Variants in SLC41A1 observed in about 807,000 individuals in gnomAD.
SLC41A1 encodes the protein solute carrier family 41 member 1.
A neutral mutation model predicts 47.3 loss-of-function variants in SLC41A1; 20 were observed. That is an observed-to-expected ratio of 0.42 (90% CI 0.30 to 0.61). The LOEUF is 0.61. Ranked by LOEUF, SLC41A1 falls within the 20% of genes least tolerant of loss-of-function variation. The probability of loss-of-function intolerance (pLI) is 0.17; values close to 1 mark genes in which losing one functional copy is unlikely to be tolerated. For synonymous variants in SLC41A1, 282 were observed against 272.7 expected, an observed-to-expected ratio of 1.03 and a Z score of -0.34; for missense variants, 504 against 674.1, an observed-to-expected ratio of 0.75 and a Z score of 2.79.
In SLC41A1 at chr1:205,797,973, C is replaced by T. The variant is rs764642616; in HGVS notation, c.923G>A (p.Arg308Gln). 1.5e-5 allele frequency: 25 copies of T among 1,613,996 alleles called. No individual in the cohort carries two copies. The highest frequency in any genetic ancestry group is 1.6e-4 in the Middle Eastern group (1 of 6,084). The change falls in exon 7 of 11, where the codon CGA (arginine) becomes CAA (glutamine). Residue 308 changes from arginine (R) to glutamine (Q), a missense_variant. Physicochemically the swap from Arg to Gln is conservative, Grantham distance 43. Coordinates refer to ENST00000367137, the MANE Select transcript of SLC41A1 (RefSeq NM_173854.6). The stretch of plus-strand genomic sequence containing the variant: ...CAACACCTCCCTTGTGGCTGGACTT[C>T]GTCGGGCCAGCACCACCCAGACAGG... ...LLPVWVVLARRSPATREVLYS... is the reference protein window; with the variant it reads ...LLPVWVVLARQSPATREVLYS...
Position 205,801,023 on chromosome 1 carries a change from A to G in SLC41A1, c.410T>C (p.Ile137Thr). The change falls in exon 3 of 11, where the codon ATC becomes ACC. Residue 137 changes from isoleucine (I) to threonine (T), a missense_variant. Around this residue, in one of 2 missense-constraint regions of SLC41A1, gnomAD observed 421 missense variants for 601.6 expected, o/e 0.70. Coordinates refer to ENST00000367137, the MANE Select transcript of SLC41A1 (RefSeq NM_173854.6). The stretch of plus-strand genomic sequence containing the variant: ...GAGCCCCAGCAGCGCAGGCACTAGG[A>G]TGAAGACCTCTGTCACCTTCTGGAA... Reference protein sequence around the residue: ...EVFQKVTEVFILVPALLGLKG... With the variant: ...EVFQKVTEVFTLVPALLGLKG... 6.2e-7 allele frequency: 1 copy of G among 1,614,180 alleles called. No individual in the cohort carries two copies.
At chr1:205,797,759 C>A in intron 7 of SLC41A1, 145 bp downstream of exon 7, 1 of 1,147,098 alleles carries the variant, frequency 8.7e-7, no homozygotes. Context: ...TGGTTTCTGT[C>A]ATTTTCAACA....
chr1:205,812,874 T>C lies in SLC41A1; in HGVS notation c.-713A>G, dbSNP rs915842148. 2 of 978,496 alleles carry C rather than the reference T, an allele frequency of 2.0e-6. No homozygotes were observed. Among genetic ancestry groups the C allele is most frequent in the African/African-American group, 3.6e-5 (2 of 55,142 alleles). 60.6% of individuals were successfully genotyped at this position (978,496 alleles called of 1,614,324 possible). A position where few individuals can be genotyped will look rare whatever the true frequency, so the allele number is the denominator to read the frequency against. The stretch of plus-strand genomic sequence containing the variant: ...CAGCGTGGCCCGTGGTCTCGGGGGG[T>C]GCAGGGCACCCCCTCTTCTCATCAC... On this transcript the variant is annotated 5_prime_UTR_variant, in exon 1 of 11. Coordinates refer to ENST00000367137, the MANE Select transcript of SLC41A1 (RefSeq NM_173854.6).
At position 205,791,003 on chromosome 1, in the gene SLC41A1, C is replaced by T. The variant is rs1229959191; in HGVS notation, c.*530G>A. 1 of 188,960 alleles carries T rather than the reference C, an allele frequency of 5.3e-6. No individual in the cohort carries two copies. The highest frequency in any genetic ancestry group is 1.1e-5 in the Non-Finnish European group (1 of 90,266). 11.7% of individuals were successfully genotyped at this position (188,960 alleles called of 1,614,324 possible). ...GAGAACAGAACTGGGATCACAGGGGCCTGGAGCAGGTGTCTCCTGTCCAGA... is the reference window on the plus strand; with the variant it reads ...GAGAACAGAACTGGGATCACAGGGGTCTGGAGCAGGTGTCTCCTGTCCAGA... On this transcript the variant is annotated 3_prime_UTR_variant, in exon 11 of 11. Coordinates refer to ENST00000367137, the MANE Select transcript of SLC41A1 (RefSeq NM_173854.6). The surrounding 1 kb of genome is among the most constrained non-coding windows in gnomAD (Gnocchi z 4.0).
chr1:205,810,380 G>C lies in SLC41A1; in HGVS notation c.62C>G (p.Ser21Cys). The change falls in exon 2 of 11, where the codon TCT (serine) becomes TGT (cysteine). Residue 21 changes from serine (S) to cysteine (C), a missense_variant. Coordinates refer to ENST00000367137, the MANE Select transcript of SLC41A1 (RefSeq NM_173854.6). This position sits in a 1 kb window ranked among gnomAD's most constrained non-coding sequence, Gnocchi z 5.5. ...HQLNGTGPSA[S>C]PCSSDGPGRE... ...CCCTGGGCCATCTGAAGAGCAGGGA[G>C]AGGCAGAAGGGCCAGTCCCGTTCAG... The C allele has an allele frequency of 6.2e-7, 1 of 1,614,230 alleles. No homozygotes were observed. Among genetic ancestry groups the C allele is most frequent in the Non-Finnish European group, 8.5e-7 (1 of 1,180,042 alleles).
intron 10 of SLC41A1, among the ~76,000 whole-genome samples, chr1:205,792,332 T>C (rs1223188972): frequency 6.6e-6 from 1 of 152,194 alleles, no homozygotes; most frequent in Admixed American, 6.5e-5. Flanking sequence ...AGAATGCAAG[T>C]TTATTTTAAC....
At chr1:205,797,365 C>T (rs1413744401) in intron 7 of SLC41A1, among the ~76,000 whole-genome samples, 10 of 152,240 alleles carry the variant, frequency 6.6e-5, no homozygotes. Context: ...GGCTCCTCCA[C>T]AGGGAACCAC....
intron 4 of SLC41A1, 115 bp downstream of exon 4, chr1:205,799,644 G>T: frequency 8.4e-7 from 1 of 1,194,284 alleles, no homozygotes; most frequent in Non-Finnish European, 1.2e-6. Flanking sequence ...GGGGAAGCCA[G>T]CTCAGTGGGA....
At chr1:205,796,812 T>G in intron 8 of SLC41A1, 112 bp downstream of exon 8, 1 of 1,059,282 alleles carries the variant, frequency 9.4e-7, no homozygotes, top group South Asian at 1.4e-5. Context: ...CTGAGCTAGA[T>G]TCTCGTCTGC....
intron 2 of SLC41A1, among the ~76,000 whole-genome samples, chr1:205,806,591 G>T (rs1403089605): frequency 1.3e-5 from 2 of 152,242 alleles, no homozygotes; most frequent in Non-Finnish European, 2.9e-5. Context: ...GGCTCCTGCA[G>T]TGAGGAGGCT....
chr1:205,805,156 C>T (rs1231595819), intron 2 of SLC41A1, among the ~76,000 whole-genome samples: 1 of 152,152 alleles, frequency 6.6e-6, no homozygotes. Flanking sequence ...GTCTTCCCGA[C>T]TCTTACAGAA....
chr1:205,806,194 C>T (rs10159439), intron 2 of SLC41A1, among the ~76,000 whole-genome samples: 24,012 of 152,112 alleles, frequency 0.16, 2,589 homozygotes, highest in African/African-American at 0.31. Flanking sequence ...GCAAATGGGT[C>T]CCTGACAGCA....
At chr1:205,793,818 T>TATAGAATATCTTTAC (rs1655679647) in intron 10 of SLC41A1, among the ~76,000 whole-genome samples, 1 of 151,878 alleles carries the variant, frequency 6.6e-6, no homozygotes, top group Non-Finnish European at 1.5e-5. Flanking sequence ...TTTACTTTTA[T>TATAGAATATCTTTAC]AAATATAGAA....
chr1:205,808,533 G>A (rs568804683), intron 2 of SLC41A1, among the ~76,000 whole-genome samples: 39 of 152,188 alleles, frequency 2.6e-4, no homozygotes, highest in Non-Finnish European at 5.0e-4. Context: ...CCCTTTGTAG[G>A]TATCAAACCA....
At chr1:205,794,146 G>GCA (rs1329174792) in intron 10 of SLC41A1, among the ~76,000 whole-genome samples, 2 of 51,520 alleles carry the variant, frequency 3.9e-5, no homozygotes, top group East Asian at 9.9e-4. Flanking sequence ...GAACACACAC[G>GCA]CACACACACA....
chr1:205,811,551 C>T (rs527555094), intron 1 of SLC41A1, among the ~76,000 whole-genome samples: 3 of 152,342 alleles, frequency 2.0e-5, no homozygotes, highest in Admixed American at 6.5e-5. Flanking sequence ...TGCTTATCAT[C>T]ACAAGACAGC....
In SLC41A1 at chr1:205,795,109, C is replaced by T. The variant is rs1016880048; in HGVS notation, c.1208-91G>A. 3 of 1,534,538 alleles carry T rather than the reference C, an allele frequency of 2.0e-6. No homozygotes were observed. In the African/African-American group the frequency reaches 4.1e-5, roughly 21 times the overall value. On this transcript the variant is annotated intron_variant, in intron 9 of 10. Transcript: ENST00000367137. ...CAAAGTCAGGAGGGACGGCACCATACCCCAGGGCAACAGACAGATGAATGT... is the reference window on the plus strand; with the variant it reads ...CAAAGTCAGGAGGGACGGCACCATATCCCAGGGCAACAGACAGATGAATGT...
At chr1:205,809,065 G>A (rs1012744242) in intron 2 of SLC41A1, among the ~76,000 whole-genome samples, 1 of 152,124 alleles carries the variant, frequency 6.6e-6, no homozygotes, top group African/African-American at 2.4e-5. Context: ...CTCCTGCCTT[G>A]GTATTAATAT....
At chr1:205,809,422 C>A (rs1422484073) in intron 2 of SLC41A1, among the ~76,000 whole-genome samples, 1 of 152,200 alleles carries the variant, frequency 6.6e-6, no homozygotes, top group Non-Finnish European at 1.5e-5. Flanking sequence ...GGCCTAGTTA[C>A]ATTTTGTCCC....
Sources: allele counts gnomAD v4.1 joint callset (sites outside exome capture counted in the v4.1 genomes callset), GRCh38; gene constraint gnomAD v4.1.1; regional missense constraint gnomAD v4.1.1; non-coding constraint Gnocchi (gnomAD v3.1); transcripts MANE v1.5; gene names NCBI Gene and HGNC (gene_info 2026-07-23, HGNC 2026-07-21).